The following ITGAL variants were observed in gnomAD, a reference collection of about 807,000 sequenced individuals.
ITGAL encodes integrin alpha-L.
ITGAL carries 68 observed loss-of-function variants against 138.4 expected under a neutral mutation model. That is an observed-to-expected ratio of 0.49 (90% confidence interval 0.40 to 0.60). The LOEUF is 0.60. ITGAL is among the 20% of genes least tolerant of loss of function. The pLI, the probability that ITGAL is intolerant of heterozygous loss-of-function variation, is 0.00. For missense variants in ITGAL, 1,256 were observed against 1,478.6 expected (o/e 0.85, Z 2.47); for synonymous variants, 561 against 584.3 (o/e 0.96, Z 0.57).
chr16:30,501,998 A>G (rs1460085026), intron 17 of ITGAL, among the ~76,000 whole-genome samples: 1 of 152,134 alleles, frequency 6.6e-6, no homozygotes, highest in Non-Finnish European at 1.5e-5. Flanking sequence ...GTGCCACTGC[A>G]CTCCAGCCTG....
At chr16:30,476,806 G>T (rs1366466582) in intron 4 of ITGAL, among the ~76,000 whole-genome samples, 2 of 151,974 alleles carry the variant, frequency 1.3e-5, no homozygotes, top group Non-Finnish European at 2.9e-5. Context: ...GCTAATTTTT[G>T]TATTTTTAGT....
At chr16:30,474,030 G>A in intron 1 of ITGAL, 166 bp from the exon 2 acceptor site, 3 of 698,614 alleles carry the variant, frequency 4.3e-6, no homozygotes, top group Non-Finnish European at 7.8e-6. Context: ...AGGGGGGCCG[G>A]GAGTTGCTCC....
At position 30,511,044 on chromosome 16, in the gene ITGAL, A is replaced by T; in HGVS notation, c.2700-6A>T. 2 of 1,613,542 alleles carry T rather than the reference A, an allele frequency of 1.2e-6. No individual in the cohort carries two copies. The highest frequency in any genetic ancestry group is 1.7e-6 in the Non-Finnish European group (2 of 1,179,562). On this transcript the variant is annotated splice_polypyrimidine_tract_variant and splice_region_variant and intron_variant, in intron 23 of 30. Coordinates refer to ENST00000356798, the MANE Select transcript of ITGAL (RefSeq NM_002209.3). ...TAACACTGGCCTCTTCCTTGCCCCA[A>T]TGCAGTAACAATGAGGACTCAGACC... is the stretch of plus-strand genomic sequence containing the variant.
At chr16:30,499,295 G>C (rs202196987) in intron 16 of ITGAL, 43 bp from the exon 17 acceptor site, 2 of 1,612,922 alleles carry the variant, frequency 1.2e-6, no homozygotes, top group East Asian at 2.2e-5. Context: ...TTATGGCCTG[G>C]GATCCCCCAC....
At chr16:30,505,137 A>T in intron 18 of ITGAL, 107 bp from the exon 19 acceptor site, 4 of 1,140,206 alleles carry the variant, frequency 3.5e-6, no homozygotes, top group Non-Finnish European at 4.8e-6. Flanking sequence ...GGCCAACCAC[A>T]GCCAGCCCAG....
At position 30,510,963 on chromosome 16, in the gene ITGAL, G is replaced by A. The variant is rs200259440; in HGVS notation, c.2699+3G>A. ...GAATTGCACGCCAATGTGACCTGGTGAGCAGGCCCCGCCCACATCCCTGCC... is the reference window on the plus strand; with the variant it reads ...GAATTGCACGCCAATGTGACCTGGTAAGCAGGCCCCGCCCACATCCCTGCC... On this transcript the variant is annotated splice_donor_region_variant and intron_variant, in intron 23 of 30. Transcript: ENST00000356798. 3.5e-5 allele frequency: 56 copies of A among 1,613,812 alleles called. No homozygotes were observed. The highest frequency in any genetic ancestry group is 4.7e-5 in the Non-Finnish European group (56 of 1,179,928).
intron 11 of ITGAL, among the ~76,000 whole-genome samples, chr16:30,489,635 G>A (rs1369417181): frequency 6.6e-6 from 1 of 152,114 alleles, no homozygotes; most frequent in Admixed American, 6.6e-5. Flanking sequence ...TAAACAACTT[G>A]CCTGTGAATA....
At chr16:30,499,273 C>T in intron 16 of ITGAL, 39 bp downstream of exon 16, 1 of 1,613,068 alleles carries the variant, frequency 6.2e-7, no homozygotes, top group Non-Finnish European at 8.5e-7. Flanking sequence ...AGCTGCCGCC[C>T]CAAATCCAGG....
chr16:30,506,847 G>A lies in ITGAL; in HGVS notation c.2499G>A (p.Glu833=). ...CGGGACTCTCCTTCCGCAAGGTGGA[G>A]ATGCTGAAGGTGGGTGAGAGGACAG... The part of the protein sequence containing the change: ...FPPGLSFRKV[E]MLKPHSQIPV... The change falls in exon 21 of 31, where the codon GAG becomes GAA. Residue 833 remains glutamate, a synonymous_variant. Transcript: ENST00000356798. 1 of 1,613,916 alleles carries A rather than the reference G, an allele frequency of 6.2e-7. No individual in the cohort carries two copies. The highest frequency in any genetic ancestry group is 8.5e-7 in the Non-Finnish European group (1 of 1,179,852).
chr16:30,498,804 G>A, intron 15 of ITGAL: 1 of 333,878 alleles, frequency 3.0e-6, no homozygotes, highest in East Asian at 5.4e-5. Flanking sequence ...GGGAGGCTGA[G>A]GTGGGAGGAT....
intron 28 of ITGAL, 54 bp downstream of exon 28, chr16:30,517,949 G>T: frequency 1.4e-6 from 2 of 1,447,516 alleles, no homozygotes; most frequent in Non-Finnish European, 1.9e-6. Context: ...CAATGCCTGG[G>T]GCCGTTGTGG....
chr16:30,486,750 AGTTT>A (rs2151149718), intron 9 of ITGAL, among the ~76,000 whole-genome samples: 1 of 152,198 alleles, frequency 6.6e-6, no homozygotes, highest in Non-Finnish European at 1.5e-5. Flanking sequence ...CCTCAGAAAG[AGTTT>A]GGATTTCAGT....
At chr16:30,481,736 C>G in intron 7 of ITGAL, 152 bp downstream of exon 7, 2 of 681,154 alleles carry the variant, frequency 2.9e-6, no homozygotes, top group South Asian at 1.8e-5. Flanking sequence ...ACTGCAGATT[C>G]TTTTGGTTGT....
At position 30,483,928 on chromosome 16, in the gene ITGAL, C is replaced by A. The variant is rs147749266; in HGVS notation, c.824C>A (p.Ala275Glu). ...GCCACTGACAGTGGCAACATCGATG[C>A]GGCCAAAGACATCATCCGCTACATC... The part of the protein sequence containing the change: ...GEATDSGNID[A>E]AKDIIRYIIG... The change falls in exon 8 of 31, where the codon GCG becomes GAG. Residue 275 changes from alanine (A) to glutamate (E), a missense_variant. This residue lies in a region of ITGAL where 177 missense variants were observed against 288.8 expected (regional missense o/e 0.61). Transcript: ENST00000356798. The A allele has an allele frequency of 1.2e-6, 2 of 1,613,798 alleles. No individual in the cohort carries two copies. The highest frequency in any genetic ancestry group is 1.7e-5 in the Admixed American group (1 of 59,972).
In ITGAL at chr16:30,521,716, G is replaced by C. The variant is rs751364324; in HGVS notation, c.*51G>C. ...CCCAGAACTGGACTCAGGATGCCCA[G>C]GGCCACTCTGCCTCTGCCTGCATTC... is the stretch of plus-strand genomic sequence containing the variant. On this transcript the variant is annotated 3_prime_UTR_variant, in exon 31 of 31. Coordinates refer to ENST00000356798, the MANE Select transcript of ITGAL (RefSeq NM_002209.3). The C allele has an allele frequency of 1.9e-6, 3 of 1,564,172 alleles. No individual in the cohort carries two copies. In the East Asian group the frequency reaches 6.8e-5, roughly 36 times the overall value.
Position 30,494,431 on chromosome 16 carries a change from C to T in ITGAL, c.1365+68C>T. On this transcript the variant is annotated intron_variant, in intron 12 of 30. Transcript: ENST00000356798. This position sits in a 1 kb window ranked among gnomAD's most constrained non-coding sequence, Gnocchi z 4.2. ...GACACACATCACACTCCCTTCTGTC[C>T]TTTGAATGCTCATCCACTTACCATG... 2 of 1,470,526 alleles carry T rather than the reference C, an allele frequency of 1.4e-6. No individual in the cohort carries two copies. Among genetic ancestry groups the T allele is most frequent in the South Asian group, 1.3e-5 (1 of 76,630 alleles). 91.1% of individuals were successfully genotyped at this position (1,470,526 alleles called of 1,614,324 possible). A position where few individuals can be genotyped will look rare whatever the true frequency, so the allele number is the denominator to read the frequency against.
intron 17 of ITGAL, among the ~76,000 whole-genome samples, chr16:30,499,734 T>TATATGTATATATATATATATATATATA (rs71149033): frequency 4.7e-4 from 36 of 76,606 alleles, no homozygotes; most frequent in African/African-American, 2.8e-3. Context: ...TATATATATA[T>TATATGTATATATATATATATATATATA]TTTTTTTTTT....
chr16:30,507,548 G>T (rs2051022426), intron 21 of ITGAL, among the ~76,000 whole-genome samples: 1 of 151,904 alleles, frequency 6.6e-6, no homozygotes, highest in Admixed American at 6.6e-5. Flanking sequence ...TACTAGGGAG[G>T]CTGAGGCAGG....
intron 9 of ITGAL, among the ~76,000 whole-genome samples, chr16:30,488,688 G>A (rs1246472643): frequency 2.5e-5 from 3 of 122,126 alleles, no homozygotes; most frequent in Admixed American, 1.1e-4. Flanking sequence ...CGGTGACAGA[G>A]AGAGACTCCA....
Sources: gnomAD v4.1 joint callset for allele counts (sites outside exome capture counted in the v4.1 genomes callset) on GRCh38, gnomAD v4.1.1 for gene constraint, gnomAD v4.1.1 regional missense constraint, Gnocchi (gnomAD v3.1) non-coding constraint, MANE v1.5 for transcripts, NCBI Gene and HGNC (gene_info 2026-07-23, HGNC 2026-07-21) for gene names.